The following CADM2 variants were observed in gnomAD, a reference collection of about 807,000 sequenced individuals.
The protein encoded by CADM2 is cell adhesion molecule 2.
CADM2 carries 12 observed loss-of-function variants against 49.8 expected under a neutral mutation model. The observed-to-expected ratio is 0.24, with a 90% CI of 0.15 to 0.39. CADM2 has a LOEUF of 0.39. CADM2 is among the 10% of genes least tolerant of loss of function. The pLI, the probability that CADM2 is intolerant of heterozygous loss-of-function variation, is 1.00. For synonymous variants in CADM2, 214 were observed against 175.4 expected (o/e 1.22, Z -1.74); for missense variants, 378 against 492.3 (o/e 0.77, Z 2.20).
intron 1 of CADM2, among the ~76,000 whole-genome samples, chr3:85,093,095 C>A (rs138660666): frequency 6.6e-6 from 1 of 152,140 alleles, no homozygotes; most frequent in Non-Finnish European, 1.5e-5. Flanking sequence ...TGTCCTCGGA[C>A]AAAATTCATA....
At chr3:85,379,777 C>T (rs537433715) in intron 1 of CADM2, among the ~76,000 whole-genome samples, 4 of 152,084 alleles carry the variant, frequency 2.6e-5, no homozygotes, top group Non-Finnish European at 5.9e-5. Context: ...CAAGTTGTTA[C>T]ATTTTGGTGC....
chr3:85,665,700 T>C (rs555079567), intron 1 of CADM2, among the ~76,000 whole-genome samples: 1 of 152,086 alleles, frequency 6.6e-6, no homozygotes, highest in South Asian at 2.1e-4. Context: ...ATTGTTTCAA[T>C]AGCAGTGTTA....
At chr3:85,835,681 T>C (rs1291109519) in intron 3 of CADM2, among the ~76,000 whole-genome samples, 1 of 149,690 alleles carries the variant, frequency 6.7e-6, no homozygotes, top group Non-Finnish European at 1.5e-5. Flanking sequence ...GAGACCTTGT[T>C]TATGATACAG....
intron 3 of CADM2, among the ~76,000 whole-genome samples, chr3:85,846,468 A>G (rs979531431): frequency 6.6e-6 from 1 of 152,132 alleles, no homozygotes; most frequent in Admixed American, 6.5e-5. Context: ...TCTAGAACAC[A>G]TGGGTTTGCA....
At chr3:85,194,868 T>TAA (rs953917105) in intron 1 of CADM2, among the ~76,000 whole-genome samples, 1 of 151,362 alleles carries the variant, frequency 6.6e-6, no homozygotes, top group African/African-American at 2.4e-5. Context: ...CAACAAATAT[T>TAA]AAAAAAAAAT....
chr3:85,741,736 G>A (rs1411480733), intron 2 of CADM2, among the ~76,000 whole-genome samples: 2 of 152,086 alleles, frequency 1.3e-5, no homozygotes, highest in Non-Finnish European at 2.9e-5. Context: ...TATTCAAACT[G>A]AGATTTAAAA....
intron 1 of CADM2, among the ~76,000 whole-genome samples, chr3:84,967,191 A>G (rs1402757109): frequency 2.0e-5 from 3 of 152,138 alleles, no homozygotes; most frequent in Non-Finnish European, 4.4e-5. Context: ...TAATTTATAA[A>G]GCCAATTAAT....
intron 3 of CADM2, among the ~76,000 whole-genome samples, chr3:85,859,888 T>G (rs554283684): frequency 6.6e-6 from 1 of 152,334 alleles, no homozygotes; most frequent in Non-Finnish European, 1.5e-5. Flanking sequence ...GAAATACTGT[T>G]CTATTTATAT....
chr3:85,134,054 G>A (rs897014584), intron 1 of CADM2, among the ~76,000 whole-genome samples: 7 of 152,228 alleles, frequency 4.6e-5, no homozygotes, highest in African/African-American at 1.7e-4. Context: ...AGCGCCGGTG[G>A]GCTGGCACTG....
chr3:85,936,256 C>A (rs1177422387), intron 7 of CADM2, among the ~76,000 whole-genome samples: 1 of 151,764 alleles, frequency 6.6e-6, no homozygotes, highest in Non-Finnish European at 1.5e-5. Context: ...CAAGAAGACT[C>A]ATTTTCATAA....
rs554098541 is a variant in CADM2, at chr3:85,950,997, A to C, written c.792-10472A>C. 8.5e-4 allele frequency among the ~76,000 whole-genome samples: 128 copies of C among 151,204 alleles called. 3 individuals carry two copies. In the Middle Eastern group the frequency reaches 0.014, roughly 16 times the overall value. ...GTCTTTGACCCTGTCAGACAGAAGT[A>C]CTGATAGTGATGTTTGAGTAGAAAC... On this transcript the variant is annotated intron_variant, in intron 7 of 9. Transcript: ENST00000383699.
In CADM2 at chr3:85,834,636, T is replaced by C. The variant is rs562157509; in HGVS notation, c.238+32440T>C. Among the ~76,000 whole-genome samples the C allele has an allele frequency of 1.5e-3, 222 of 151,736 alleles. 3 individuals carry two copies. The highest frequency in any genetic ancestry group is 5.3e-3 in the African/African-American group (219 of 41,496). Reference sequence around the variant, plus strand: ...GTTCTGAGTTTGACTTGTAGTTATATGCTTTGTGCAAAGGAATCTGTTGAA... The same window carrying C: ...GTTCTGAGTTTGACTTGTAGTTATACGCTTTGTGCAAAGGAATCTGTTGAA... On this transcript the variant is annotated intron_variant, in intron 3 of 9. Transcript: ENST00000383699.
chr3:85,229,960 T>TA (rs2042249990), intron 1 of CADM2, among the ~76,000 whole-genome samples: 3 of 152,230 alleles, frequency 2.0e-5, no homozygotes, highest in African/African-American at 7.2e-5. Context: ...ATTTGTAAGA[T>TA]AACTTGTGTT....
intron 1 of CADM2, among the ~76,000 whole-genome samples, chr3:85,408,350 A>C (rs1220428157): frequency 6.6e-6 from 1 of 152,254 alleles, no homozygotes; most frequent in Non-Finnish European, 1.5e-5. Context: ...GAACTTCAAC[A>C]TAAAAGCCAG....
chr3:85,121,910 T>A (rs1329207345), intron 1 of CADM2, among the ~76,000 whole-genome samples: 1 of 152,174 alleles, frequency 6.6e-6, no homozygotes, highest in Non-Finnish European at 1.5e-5. Context: ...ATATTGACAT[T>A]TTCATTTATC....
intron 1 of CADM2, among the ~76,000 whole-genome samples, chr3:85,130,047 A>C (rs2039172019): frequency 6.6e-6 from 1 of 152,202 alleles, no homozygotes; most frequent in African/African-American, 2.4e-5. Context: ...ATCCCAGCTT[A>C]AGTTATCCAT....
intron 1 of CADM2, among the ~76,000 whole-genome samples, chr3:85,325,474 G>A (rs1249736381): frequency 6.6e-6 from 1 of 152,122 alleles, no homozygotes; most frequent in Non-Finnish European, 1.5e-5. Context: ...CACTTTGGGA[G>A]GCCGAGGCAG....
At chr3:85,470,372 A>G (rs140022987) in intron 1 of CADM2, among the ~76,000 whole-genome samples, 1 of 152,320 alleles carries the variant, frequency 6.6e-6, no homozygotes, top group African/African-American at 2.4e-5. Context: ...ATAGCTTTCA[A>G]AAACTTAAAG....
chr3:85,586,571 A>G (rs1195115631), intron 1 of CADM2, among the ~76,000 whole-genome samples: 2 of 152,164 alleles, frequency 1.3e-5, no homozygotes, highest in Middle Eastern at 3.2e-3. Context: ...ATTTTGCAGT[A>G]GAATTACAAT....
Sources: allele counts gnomAD v4.1 joint callset (sites outside exome capture counted in the v4.1 genomes callset), GRCh38; gene constraint gnomAD v4.1.1; transcripts MANE v1.5; gene names NCBI Gene and HGNC (gene_info 2026-07-23, HGNC 2026-07-21).